PCDHA8: variants seen among roughly 807,000 people sequenced by gnomAD.
The protein encoded by PCDHA8 is protocadherin alpha-8.
Under a neutral mutation model 61.8 loss-of-function variants are expected in PCDHA8, and 53 were observed. The ratio of observed to expected loss-of-function variants is 0.86; its 90% CI spans 0.69 to 1.08. PCDHA8 has a LOEUF of 1.08. Among genes scored for constraint, PCDHA8 ranks in the 50% least tolerant of loss-of-function variants. The pLI is 0.00. For synonymous variants in PCDHA8, 618 were observed against 556.6 expected, an observed-to-expected ratio of 1.11 and a Z score of -1.55; for missense variants, 1,293 against 1,245.0, an observed-to-expected ratio of 1.04 and a Z score of -0.58.
At chr5:140,864,310 A>G (rs2048415201) in intron 1 of PCDHA8, 1 of 152,166 alleles carries the variant, frequency 6.6e-6, no homozygotes, top group African/African-American at 2.4e-5. Flanking sequence ...TACCATGACA[A>G]TATTTAATAT....
At position 140,858,269 on chromosome 5, in the gene PCDHA8, A is replaced by T. The variant is rs367651349; in HGVS notation, c.2394+14554A>T. 8.2e-4 allele frequency: 1,313 copies of T among 1,596,554 alleles called. 103 individuals carry two copies. Among genetic ancestry groups the T allele is most frequent in the Non-Finnish European group, 9.6e-4 (1,118 of 1,166,912 alleles). On this transcript the variant is annotated intron_variant, in intron 1 of 3. Transcript: ENST00000531613. Reference sequence around the variant, plus strand: ...GGTGAAGCCCACGCTGGTGTGCTCTAGCGCGGTGGGGAGCTGGTCTTACTC... The same window carrying T: ...GGTGAAGCCCACGCTGGTGTGCTCTTGCGCGGTGGGGAGCTGGTCTTACTC...
At chr5:140,875,868 G>A (rs781927681) in intron 1 of PCDHA8, 3 of 1,614,210 alleles carry the variant, frequency 1.9e-6, no homozygotes, top group Non-Finnish European at 8.5e-7. Context: ...ACCCGCCGGT[G>A]TTCAGAGAAA....
At chr5:140,890,693 G>C (rs980920550) in intron 1 of PCDHA8, among the ~76,000 whole-genome samples, 7 of 151,828 alleles carry the variant, frequency 4.6e-5, no homozygotes, top group Non-Finnish European at 8.8e-5. Flanking sequence ...GGAAATGCAG[G>C]GACCTTACAT....
chr5:140,853,680 C>T (rs142269623), intron 1 of PCDHA8: 5 of 988,078 alleles, frequency 5.1e-6, no homozygotes, highest in Non-Finnish European at 6.1e-6. Flanking sequence ...TATGGTCAAC[C>T]TATCCTTAGA....
chr5:141,009,975 GTAA>G lies in PCDHA8; in HGVS notation c.*43_*45del. The G allele has an allele frequency of 6.3e-7, 1 of 1,585,060 alleles. No individual in the cohort carries two copies. Among genetic ancestry groups the G allele is most frequent in the Non-Finnish European group, 8.6e-7 (1 of 1,168,878 alleles). ...GAAACAAGCCACTTAGCCAGTTTTT[GTAA>G]TAATGGCAAATCTCTCCCATGTAGC... On this transcript the variant is annotated 3_prime_UTR_variant, in exon 4 of 4. Coordinates refer to ENST00000531613, the MANE Select transcript of PCDHA8 (RefSeq NM_018911.3).
chr5:140,966,793 G>A lies in PCDHA8; in HGVS notation c.2395-12156G>A, dbSNP rs1456903567. 4.6e-6 allele frequency: 7 copies of A among 1,532,300 alleles called. No homozygotes were observed. The Admixed American group carries it at 5.8e-5, about 13-fold the overall frequency. The allele number at this position is 1,532,300 out of a possible 1,614,324, so 94.9% of individuals were successfully genotyped here. A position where few individuals can be genotyped will look rare whatever the true frequency, so the allele number is the denominator to read the frequency against. ...TGGAGCAGGCGGGCACCAGACCTGC[G>A]GCGACAGAGCATCCACGGCTCCGGC... On this transcript the variant is annotated intron_variant, in intron 1 of 3. Transcript: ENST00000531613.
chr5:140,869,997 T>C (rs782075585), intron 1 of PCDHA8: 23 of 1,613,172 alleles, frequency 1.4e-5, no homozygotes, highest in Non-Finnish European at 2.5e-6. Context: ...ATCAAAATAA[T>C]GGAGAAGTGA....
At chr5:140,897,222 G>A (rs2065939417) in intron 1 of PCDHA8, among the ~76,000 whole-genome samples, 1 of 151,978 alleles carries the variant, frequency 6.6e-6, no homozygotes, top group Non-Finnish European at 1.5e-5. Context: ...TAGGGTACAT[G>A]TGCACAATGT....
At chr5:140,899,795 G>A (rs551068307) in intron 1 of PCDHA8, among the ~76,000 whole-genome samples, 59 of 152,222 alleles carry the variant, frequency 3.9e-4, no homozygotes, top group Non-Finnish European at 7.5e-4. Flanking sequence ...ATTCGGCTGT[G>A]AATCCAATAT....
chr5:140,985,163 T>G (rs1045171380), intron 3 of PCDHA8, among the ~76,000 whole-genome samples: 7 of 152,096 alleles, frequency 4.6e-5, no homozygotes, highest in South Asian at 2.1e-4. Flanking sequence ...TGTCTCAATC[T>G]CCTGACCTCG....
At chr5:140,857,793 G>T (rs782663646) in intron 1 of PCDHA8, 3 of 1,597,706 alleles carry the variant, frequency 1.9e-6, no homozygotes, top group Non-Finnish European at 2.6e-6. Flanking sequence ...CTGGTGCTGC[G>T]GTCGGTGGTT....
At chr5:140,875,906 C>T in intron 1 of PCDHA8, 1 of 1,614,204 alleles carries the variant, frequency 6.2e-7, no homozygotes, top group East Asian at 2.2e-5. Flanking sequence ...GTTTCTGAAT[C>T]TGCGCCTCTG....
At chr5:140,928,594 GAA>G in intron 1 of PCDHA8, 2 of 1,614,204 alleles carry the variant, frequency 1.2e-6, no homozygotes, top group Non-Finnish European at 1.7e-6. Flanking sequence ...TGTCCCAGTG[GAA>G]ATTGTGCCCC....
At chr5:140,926,864 T>C in intron 1 of PCDHA8, 1 of 1,522,480 alleles carries the variant, frequency 6.6e-7, no homozygotes, top group South Asian at 1.3e-5. Flanking sequence ...GTGTAGCGTG[T>C]TGGTGGAACG....
rs151053430 is a variant in PCDHA8 at position 140,849,630 on chromosome 5, G to T, written c.2394+5915G>T. Reference sequence around the variant, plus strand: ...CCTGATTAGTGTGATCGACCTAGACGCAGATGCCAACGGGCAGGTTACCTG... The same window carrying T: ...CCTGATTAGTGTGATCGACCTAGACTCAGATGCCAACGGGCAGGTTACCTG... On this transcript the variant is annotated intron_variant, in intron 1 of 3. Transcript: ENST00000531613. 6.9e-4 allele frequency: 1,103 copies of T among 1,598,686 alleles called. 107 individuals are homozygous for T. Among genetic ancestry groups the T allele is most frequent in the South Asian group, 1.2e-3 (106 of 90,556 alleles).
intron 1 of PCDHA8, among the ~76,000 whole-genome samples, chr5:140,945,587 C>A (rs2093812111): frequency 6.6e-6 from 1 of 152,052 alleles, no homozygotes; most frequent in African/African-American, 2.4e-5. Context: ...TCAAAATATA[C>A]TTCAAAGCTA....
intron 1 of PCDHA8, among the ~76,000 whole-genome samples, chr5:140,878,611 T>A (rs1167613009): frequency 2.0e-5 from 3 of 152,236 alleles, no homozygotes; most frequent in Non-Finnish European, 4.4e-5. Context: ...TCTTCTAATG[T>A]GCATTTTACA....
rs908218007 is a variant in PCDHA8 at position 140,929,518 on chromosome 5, T to C, written c.2395-49431T>C. On this transcript the variant is annotated intron_variant, in intron 1 of 3. Transcript: ENST00000531613. ...ATTGCCCTAGGCCTCAAGGGACTTA[T>C]AGTTTATTTTTGAGAAACAAGGGCA... 7 of 753,028 alleles carry C rather than the reference T, an allele frequency of 9.3e-6. No homozygotes were observed. The Admixed American group carries it at 1.2e-4, about 13-fold the overall frequency. The allele number at this position is 753,028 out of a possible 1,614,324, so 46.6% of individuals were successfully genotyped here. A position where few individuals can be genotyped will look rare whatever the true frequency, so the allele number is the denominator to read the frequency against.
At chr5:140,944,809 A>G (rs2093698274) in intron 1 of PCDHA8, among the ~76,000 whole-genome samples, 1 of 152,220 alleles carries the variant, frequency 6.6e-6, no homozygotes, top group African/African-American at 2.4e-5. Flanking sequence ...GAGGGTCCAC[A>G]GTGATCTTTG....
Sources: allele counts gnomAD v4.1 joint callset (sites outside exome capture counted in the v4.1 genomes callset), GRCh38; gene constraint gnomAD v4.1.1; transcripts MANE v1.5; gene names NCBI Gene and HGNC (gene_info 2026-07-23, HGNC 2026-07-21).